The following STK24 variants were observed in gnomAD, a reference collection of about 807,000 sequenced individuals.
STK24 encodes serine/threonine-protein kinase 24.
A neutral mutation model predicts 55.6 loss-of-function variants in STK24; 21 were observed. The observed-to-expected ratio is 0.38, with a 90% CI of 0.27 to 0.54. The LOEUF (loss-of-function observed/expected upper bound fraction) is 0.54, where lower values mean the gene tolerates loss of function less well. Ranked by LOEUF, STK24 falls within the 20% of genes least tolerant of loss-of-function variation. The pLI, the probability that STK24 is intolerant of heterozygous loss-of-function variation, is 0.79. For missense variants in STK24, 383 were observed against 538.4 expected, an observed-to-expected ratio of 0.71 and a Z score of 2.86; for synonymous variants, 200 against 215.2, an observed-to-expected ratio of 0.93 and a Z score of 0.62.
chr13:98,504,428 C>T (rs1895607058), intron 2 of STK24, among the ~76,000 whole-genome samples: 2 of 152,218 alleles, frequency 1.3e-5, no homozygotes, highest in South Asian at 4.1e-4. Context: ...ATAATACCTT[C>T]TAGAAAAGTC....
At chr13:98,464,614 G>A (rs1381949048) in intron 6 of STK24, among the ~76,000 whole-genome samples, 1 of 147,868 alleles carries the variant, frequency 6.8e-6, no homozygotes, top group Admixed American at 6.8e-5. Context: ...TCCTGCCTCA[G>A]CCTCCTGGGT....
chr13:98,505,744 TCTAA>T (rs982532727), intron 2 of STK24, among the ~76,000 whole-genome samples: 9 of 152,340 alleles, frequency 5.9e-5, no homozygotes, highest in African/African-American at 2.2e-4. Context: ...ATCAACACTT[TCTAA>T]CTAACTGCAC....
Position 98,466,423 on chromosome 13 carries a change from G to A in STK24, c.736C>T (p.Pro246Ser), listed in dbSNP as rs1893928820. The A allele has an allele frequency of 6.2e-7, 1 of 1,613,214 alleles. No homozygotes were observed. The highest frequency in any genetic ancestry group is 1.3e-5 in the African/African-American group (1 of 74,896). Reference sequence around the variant, plus strand: ...CAGGCCTCCACAAACTCCTTGAGGGGTTTACTGTAGTTTCCTTCCAACGTC... The same window carrying A: ...CAGGCCTCCACAAACTCCTTGAGGGATTTACTGTAGTTTCCTTCCAACGTC... ...PPTLEGNYSK[P>S]LKEFVEACLN... Residue 246 changes from proline (P) to serine (S), a missense_variant, in exon 6 of 11, where the codon CCC becomes TCC. Transcript: ENST00000539966.
intron 9 of STK24, among the ~76,000 whole-genome samples, chr13:98,457,670 A>T (rs1893525577): frequency 6.6e-6 from 1 of 151,944 alleles, no homozygotes; most frequent in Non-Finnish European, 1.5e-5. Context: ...GGATTTCACC[A>T]TGTTGGCCAG....
At position 98,447,856 on chromosome 13, in the gene STK24, AAAAAG is replaced by A. The variant is rs1320091668; in HGVS notation, c.*5312_*5316del. On this transcript the variant is annotated 3_prime_UTR_variant, in exon 11 of 11. Coordinates refer to ENST00000539966, the MANE Select transcript of STK24 (RefSeq NM_001032296.4). ...CCAGACCCTGTCTCAAAAAAAAAAG[AAAAAG>A]AAAAAAGGAAGGGAGAGCTTCCACT... 2 of 206,624 alleles carry A rather than the reference AAAAAG, an allele frequency of 9.7e-6. No individual in the cohort carries two copies. Among genetic ancestry groups the A allele is most frequent in the East Asian group, 2.7e-4 (2 of 7,400 alleles). 12.8% of individuals were successfully genotyped at this position (206,624 alleles called of 1,614,324 possible).
chr13:98,456,617 A>G, intron 10 of STK24: 2 of 467,660 alleles, frequency 4.3e-6, no homozygotes, highest in South Asian at 1.6e-5. Flanking sequence ...CTGAGTCCTC[A>G]CCCATAGTGC....
At chr13:98,515,154 T>C (rs1207656251) in intron 2 of STK24, among the ~76,000 whole-genome samples, 1 of 148,392 alleles carries the variant, frequency 6.7e-6, no homozygotes, top group African/African-American at 2.5e-5. Flanking sequence ...CATTTGCAAA[T>C]GGTGCACAGA....
At chr13:98,525,897 T>C (rs1207388168) in intron 1 of STK24, among the ~76,000 whole-genome samples, 1 of 152,272 alleles carries the variant, frequency 6.6e-6, no homozygotes, top group African/African-American at 2.4e-5. Flanking sequence ...CTGATTTCTC[T>C]ACTCACAACT....
chr13:98,509,510 C>T (rs1895806230), intron 2 of STK24, among the ~76,000 whole-genome samples: 1 of 152,136 alleles, frequency 6.6e-6, no homozygotes, highest in African/African-American at 2.4e-5. Context: ...AAACCAGTTC[C>T]TCAAAAGGTT....
At chr13:98,486,111 C>T (rs554128787) in intron 2 of STK24, among the ~76,000 whole-genome samples, 7 of 151,822 alleles carry the variant, frequency 4.6e-5, no homozygotes, top group South Asian at 2.1e-4. Flanking sequence ...ATGTAGATGA[C>T]GGTTTGATGG....
chr13:98,465,856 C>T (rs1430121251), intron 6 of STK24, among the ~76,000 whole-genome samples: 2 of 152,220 alleles, frequency 1.3e-5, no homozygotes, highest in Non-Finnish European at 2.9e-5. Context: ...ACAGTCGTTA[C>T]TGCTGTATGG....
At chr13:98,463,367 AC>A (rs1893792255) in intron 7 of STK24, among the ~76,000 whole-genome samples, 1 of 152,204 alleles carries the variant, frequency 6.6e-6, no homozygotes, top group African/African-American at 2.4e-5. Context: ...AAGCAGTTTC[AC>A]CTGATCAGGG....
chr13:98,479,005 G>A (rs1363022355), intron 3 of STK24, among the ~76,000 whole-genome samples: 1 of 152,166 alleles, frequency 6.6e-6, no homozygotes, highest in African/African-American at 2.4e-5. Context: ...GTGTCCAACG[G>A]CAATAATCCC....
At chr13:98,507,756 G>GTCTCCAGA (rs1431216956) in intron 2 of STK24, among the ~76,000 whole-genome samples, 4 of 152,194 alleles carry the variant, frequency 2.6e-5, no homozygotes, top group Non-Finnish European at 5.9e-5. Context: ...AGGTCTCCAG[G>GTCTCCAGA]TCTCCAGATC....
intron 1 of STK24, among the ~76,000 whole-genome samples, chr13:98,520,124 A>G (rs561277787): frequency 5.2e-4 from 79 of 152,334 alleles, no homozygotes; most frequent in African/African-American, 1.8e-3. Flanking sequence ...TACATTTCTA[A>G]GAAGGCTAGC....
chr13:98,560,118 C>T (rs562067846), intron 1 of STK24, among the ~76,000 whole-genome samples: 4 of 152,174 alleles, frequency 2.6e-5, no homozygotes, highest in South Asian at 2.1e-4. Context: ...GATCTGAAGC[C>T]GGTTGACAGC....
chr13:98,479,621 G>C (rs1176137542), intron 3 of STK24, among the ~76,000 whole-genome samples: 1 of 152,136 alleles, frequency 6.6e-6, no homozygotes, highest in Non-Finnish European at 1.5e-5. Context: ...CATGTTGTCT[G>C]CCACCCAATT....
At chr13:98,539,782 A>G (rs1226614874) in intron 1 of STK24, among the ~76,000 whole-genome samples, 1 of 152,234 alleles carries the variant, frequency 6.6e-6, no homozygotes, top group Non-Finnish European at 1.5e-5. Context: ...CAATTTCTCA[A>G]AAGGTTAAGC....
At chr13:98,454,139 C>T (rs1242499620) in intron 10 of STK24, 1 of 152,164 alleles carries the variant, frequency 6.6e-6, no homozygotes, top group Non-Finnish European at 1.5e-5. Context: ...CTTCTTTGCA[C>T]TATAAGGTAG....
Sources: allele counts gnomAD v4.1 joint callset (sites outside exome capture counted in the v4.1 genomes callset), GRCh38; gene constraint gnomAD v4.1.1; transcripts MANE v1.5; gene names NCBI Gene and HGNC (gene_info 2026-07-23, HGNC 2026-07-21).